Variants in P2RX2 observed in about 807,000 individuals in gnomAD.
The protein encoded by P2RX2 is P2X purinoceptor 2.
Under a neutral mutation model 54.8 loss-of-function variants are expected in P2RX2, and 50 were observed. The observed-to-expected ratio is 0.91, with a 90% CI of 0.73 to 1.15. The LOEUF is 1.15. P2RX2 is among the 50% of genes most tolerant of loss of function. The pLI is 0.00. For synonymous variants in P2RX2, 289 were observed against 259.4 expected (o/e 1.11, Z -1.09); for missense variants, 658 against 633.2 (o/e 1.04, Z -0.42).
chr12:132,620,733 G>C (rs904385572), intron 7 of P2RX2, 150 bp downstream of exon 7: 6 of 1,077,636 alleles, frequency 5.6e-6, no homozygotes, highest in African/African-American at 4.7e-5. Context: ...AACCCATCCG[G>C]TGTGGCGCTT....
chr12:132,621,707 C>T lies in P2RX2; in HGVS notation c.1151C>T (p.Pro384Leu), dbSNP rs148054613. 640 of 1,613,418 alleles carry T rather than the reference C, an allele frequency of 4.0e-4. No individual in the cohort carries two copies. The highest frequency in any genetic ancestry group is 4.9e-4 in the Non-Finnish European group (575 of 1,179,674). ...AAGAAATTTGACAAGGTGTGTACGC[C>T]GAGCCACCCCTCAGGTAGCTGGCCT... ...SHKKFDKVCTPSHPSGSWPVT... is the reference protein window; with the variant it reads ...SHKKFDKVCTLSHPSGSWPVT... Residue 384 changes from proline to leucine, a missense_variant, in exon 11 of 11, where the codon CCG becomes CTG. By Grantham distance (98) the Pro-to-Leu change is moderately conservative (BLOSUM62 -3). Coordinates refer to ENST00000643471, the MANE Select transcript of P2RX2 (RefSeq NM_170682.4).
In P2RX2 at chr12:132,619,727, C is replaced by A; in HGVS notation, c.358C>A (p.Gln120Lys). ...CACCAGGGTCGAGGCCACCCACTCCCAGACCCAGGGAACCTGCCCCGAGGT... is the reference window on the plus strand; with the variant it reads ...CACCAGGGTCGAGGCCACCCACTCCAAGACCCAGGGAACCTGCCCCGAGGT... ...IITRVEATHS[Q>K]TQGTCPESIR... Residue 120 changes from glutamine to lysine, a missense_variant, in exon 3 of 11, where the codon CAG becomes AAG. By Grantham distance (53) the Gln-to-Lys change is moderately conservative. Coordinates refer to ENST00000643471, the MANE Select transcript of P2RX2 (RefSeq NM_170682.4). 1 of 1,608,044 alleles carries A rather than the reference C, an allele frequency of 6.2e-7. No homozygotes were observed. Among genetic ancestry groups the A allele is most frequent in the Non-Finnish European group, 8.5e-7 (1 of 1,177,332 alleles).
Position 132,621,131 on chromosome 12 carries a change from G to A in P2RX2, c.905G>A (p.Arg302Lys). 6.2e-7 allele frequency: 1 copy of A among 1,614,102 alleles called. No homozygotes were observed. The highest frequency in any genetic ancestry group is 8.5e-7 in the Non-Finnish European group (1 of 1,180,024). The change falls in exon 8 of 11, where the codon AGG (arginine) becomes AAG (lysine). Residue 302 changes from arginine to lysine, a missense_variant and splice_region_variant. Coordinates refer to ENST00000643471, the MANE Select transcript of P2RX2 (RefSeq NM_170682.4). Reference protein sequence around the residue: ...HVPASSGYNFRFAKYYKINGT... With the variant: ...HVPASSGYNFKFAKYYKINGT... ...CCTGCCTCGTCAGGCTACAACTTCA[G>A]GTGCTGTACTTGGGACACCGCTGTC...
intron 1 of P2RX2, 84 bp from the exon 2 acceptor site, chr12:132,619,355 C>G: frequency 6.7e-7 from 1 of 1,502,390 alleles, no homozygotes; most frequent in South Asian, 1.2e-5. Flanking sequence ...GGACCCGGGT[C>G]GCGGGAGGGC....
At chr12:132,619,616 C>T in intron 2 of P2RX2, 42 bp downstream of exon 2, 3 of 1,590,726 alleles carry the variant, frequency 1.9e-6, no homozygotes, top group African/African-American at 1.3e-5. Flanking sequence ...GTGCACCCTA[C>T]CCTAGTGGGC....
Position 132,621,861 on chromosome 12 carries a change from C to CCTGCGGCCTTGCCCCATCT in P2RX2, c.1310_1328dup (p.Pro444AlafsTer9). The CCTGCGGCCTTGCCCCATCT allele has an allele frequency of 1.2e-6, 2 of 1,613,238 alleles. No homozygotes were observed. The highest frequency in any genetic ancestry group is 1.7e-6 in the Non-Finnish European group (2 of 1,179,796). Reference sequence around the variant, plus strand: ...CAGAGTGTGGCCCAGCCTTCCCGCCCCTGCGGCCTTGCCCCATCTCTGCCC... The same window carrying CCTGCGGCCTTGCCCCATCT: ...CAGAGTGTGGCCCAGCCTTCCCGCCCCTGCGGCCTTGCCCCATCTCTGCGGCCTTGCCCCATCTCTGCCC... On this transcript the variant is annotated frameshift_variant, in exon 11 of 11. Transcript: ENST00000643471. LOFTEE classifies it high-confidence loss of function.
At position 132,621,868 on chromosome 12, in the gene P2RX2, C is replaced by A. The variant is rs1339575034; in HGVS notation, c.1312C>A (p.Pro438Thr). 6.2e-7 allele frequency: 1 copy of A among 1,613,320 alleles called. No homozygotes were observed. The highest frequency in any genetic ancestry group is 8.5e-7 in the Non-Finnish European group (1 of 1,179,850). ...TGGCCCAGCCTTCCCGCCCCTGCGG[C>A]CTTGCCCCATCTCTGCCCCTTCTGA... ...ECGPAFPPLRPCPISAPSEQM... is the reference protein window; with the variant it reads ...ECGPAFPPLRTCPISAPSEQM... Residue 438 changes from proline to threonine, a missense_variant, in exon 11 of 11, where the codon CCT (proline) becomes ACT (threonine). By Grantham distance (38) the Pro-to-Thr change is conservative. Coordinates refer to ENST00000643471, the MANE Select transcript of P2RX2 (RefSeq NM_170682.4).
At position 132,620,147 on chromosome 12, in the gene P2RX2, C is replaced by T. The variant is rs7955816; in HGVS notation, c.554+51C>T. 0.57 allele frequency: 865,768 copies of T among 1,523,116 alleles called. 251,271 individuals are homozygous for T. Among genetic ancestry groups the T allele is most frequent in the African/African-American group, 0.8 (58,618 of 72,950 alleles). The allele number at this position is 1,523,116 out of a possible 1,614,324, so 94.4% of individuals were successfully genotyped here. A position where few individuals can be genotyped will look rare whatever the true frequency, so the allele number is the denominator to read the frequency against. The stretch of plus-strand genomic sequence containing the variant: ...CCAGCCTCCCCTCTGATCCTTTTCC[C>T]CTGACCAGAGGCCAAACGGGCGGGG... On this transcript the variant is annotated intron_variant, in intron 5 of 10. Transcript: ENST00000643471.
Position 132,621,486 on chromosome 12 carries a change from C to A in P2RX2, c.1008C>A (p.Phe336Leu). ...CCCATTCTCCCCAGGCCGGGAAGTT[C>A]AGCCTGATTCCCACCATTATTAATC... The part of the protein sequence containing the change: ...DVIVHGQAGK[F>L]SLIPTIINLA... Residue 336 changes from phenylalanine to leucine, a missense_variant, in exon 10 of 11, where the codon TTC becomes TTA. Physicochemically the swap from Phe to Leu is conservative, Grantham distance 22. Coordinates refer to ENST00000643471, the MANE Select transcript of P2RX2 (RefSeq NM_170682.4). The A allele has an allele frequency of 6.4e-7, 1 of 1,562,122 alleles. No homozygotes were observed. The highest frequency in any genetic ancestry group is 1.2e-5 in the South Asian group (1 of 82,336).
At position 132,621,809 on chromosome 12, in the gene P2RX2, C is replaced by T. The variant is rs1194935507; in HGVS notation, c.1253C>T (p.Pro418Leu). ...TCCGAGGACCAGCACCCCAGCCCTC[C>T]ATCAGGCCAGGAGGGCCAACAAGGG... ...HRSEDQHPSP[P>L]SGQEGQQGAE... is the part of the protein sequence containing the mutation. Residue 418 changes from proline to leucine, a missense_variant, in exon 11 of 11, where the codon CCA becomes CTA. Pro to Leu is a moderately conservative substitution (Grantham distance 98). Transcript: ENST00000643471. 4 of 1,606,614 alleles carry T rather than the reference C, an allele frequency of 2.5e-6. No homozygotes were observed. Among genetic ancestry groups the T allele is most frequent in the African/African-American group, 1.3e-5 (1 of 74,832 alleles).
chr12:132,620,809 C>G (rs1378402174), intron 7 of P2RX2, among the ~76,000 whole-genome samples, 192 bp from the exon 8 acceptor site: 1 of 152,196 alleles, frequency 6.6e-6, no homozygotes, highest in East Asian at 1.9e-4. Flanking sequence ...ACACTGGACG[C>G]CCACCAGTAC....
intron 10 of P2RX2, 33 bp downstream of exon 10, chr12:132,621,573 C>T (rs142799729): frequency 4.5e-5 from 72 of 1,600,616 alleles, no homozygotes; most frequent in African/African-American, 6.7e-5. Context: ...CCAGCGGGTG[C>T]GGGGGGTCCA....
At position 132,622,024 on chromosome 12, in the gene P2RX2, T is replaced by C. The variant is rs1271351904; in HGVS notation, c.*52T>C. 6.2e-7 allele frequency: 1 copy of C among 1,608,568 alleles called. No individual in the cohort carries two copies. The highest frequency in any genetic ancestry group is 1.3e-5 in the African/African-American group (1 of 74,736). ...GACCCGGCCTGGTGGGGCCAGAGAG[T>C]CCCCAGCTAGGGACCTGCACGTGGA... On this transcript the variant is annotated 3_prime_UTR_variant, in exon 11 of 11. Coordinates refer to ENST00000643471, the MANE Select transcript of P2RX2 (RefSeq NM_170682.4).
In P2RX2 at chr12:132,622,012, G is replaced by A. The variant is rs963008519; in HGVS notation, c.*40G>A. 1 of 1,611,462 alleles carries A rather than the reference G, an allele frequency of 6.2e-7. No homozygotes were observed. The highest frequency in any genetic ancestry group is 1.7e-4 in the Middle Eastern group (1 of 6,046). The stretch of plus-strand genomic sequence containing the variant: ...CACTGGACTGCAGACCCGGCCTGGT[G>A]GGGCCAGAGAGTCCCCAGCTAGGGA... On this transcript the variant is annotated 3_prime_UTR_variant, in exon 11 of 11. Coordinates refer to ENST00000643471, the MANE Select transcript of P2RX2 (RefSeq NM_170682.4).
rs2041557828 is a variant in P2RX2 at position 132,619,666 on chromosome 12, T to C, written c.310-13T>C. ...CTGCCGCCTGGCCGACCGCCCCCTC[T>C]TTCTGAGCCCAGGGGGGCAGCGTGT... On this transcript the variant is annotated splice_polypyrimidine_tract_variant and intron_variant, in intron 2 of 10. Coordinates refer to ENST00000643471, the MANE Select transcript of P2RX2 (RefSeq NM_170682.4). The C allele has an allele frequency of 2.5e-6, 4 of 1,587,532 alleles. No homozygotes were observed. Among genetic ancestry groups the C allele is most frequent in the Non-Finnish European group, 3.4e-6 (4 of 1,167,034 alleles).
In P2RX2 at chr12:132,622,193, C is replaced by A. The variant is rs938936321; in HGVS notation, c.*221C>A. ...ACACCTCCTCCCCAGCTGGTCCCTACAGGGCTGCTCACTTCCCATCACCTC... is the reference window on the plus strand; with the variant it reads ...ACACCTCCTCCCCAGCTGGTCCCTAAAGGGCTGCTCACTTCCCATCACCTC... On this transcript the variant is annotated 3_prime_UTR_variant, in exon 11 of 11. Transcript: ENST00000643471. 2.1e-6 allele frequency: 3 copies of A among 1,416,822 alleles called. No individual in the cohort carries two copies. The African/African-American group carries it at 4.3e-5, about 21-fold the overall frequency. 87.8% of individuals were successfully genotyped at this position (1,416,822 alleles called of 1,614,324 possible).
rs770478857 is a variant in P2RX2, at chr12:132,620,444, G to A, written c.636-1G>A. On this transcript the variant is annotated splice_acceptor_variant, in intron 6 of 10. Coordinates refer to ENST00000643471, the MANE Select transcript of P2RX2 (RefSeq NM_170682.4). LOFTEE classifies it high-confidence loss of function. ...GGTCTCGCCTCCTGCCGCCTCCTCA[G>A]GGGCAACATCGCCGACCGCACAGAC... The A allele has an allele frequency of 6.2e-7, 1 of 1,613,906 alleles. No individual in the cohort carries two copies. The highest frequency in any genetic ancestry group is 1.3e-5 in the African/African-American group (1 of 74,920).
Position 132,622,353 on chromosome 12 carries a change from C to T in P2RX2, c.*381C>T. 1 of 452,002 alleles carries T rather than the reference C, an allele frequency of 2.2e-6. No individual in the cohort carries two copies. Among genetic ancestry groups the T allele is most frequent in the Non-Finnish European group, 3.3e-6 (1 of 303,382 alleles). The allele number at this position is 452,002 out of a possible 1,614,324, so 28.0% of individuals were successfully genotyped here. A position where few individuals can be genotyped will look rare whatever the true frequency, so the allele number is the denominator to read the frequency against. On this transcript the variant is annotated 3_prime_UTR_variant, in exon 11 of 11. Transcript: ENST00000643471. ...CTGCCCAGACTCTTCCCTTAGAAGT[C>T]ACAACATACTCAGTCCAATAAACCT...
rs576423856 is a variant in P2RX2 at position 132,622,044 on chromosome 12, C to T, written c.*72C>T. 1.9e-5 allele frequency: 30 copies of T among 1,598,750 alleles called. No homozygotes were observed. The highest frequency in any genetic ancestry group is 1.1e-4 in the African/African-American group (8 of 74,720). ...GAGAGTCCCCAGCTAGGGACCTGCA[C>T]GTGGACGTGGGCACCTCAGTAGCGG... On this transcript the variant is annotated 3_prime_UTR_variant, in exon 11 of 11. Coordinates refer to ENST00000643471, the MANE Select transcript of P2RX2 (RefSeq NM_170682.4).
Sources: allele counts gnomAD v4.1 joint callset (sites outside exome capture counted in the v4.1 genomes callset), GRCh38; gene constraint gnomAD v4.1.1; transcripts MANE v1.5; gene names NCBI Gene and HGNC (gene_info 2026-07-23, HGNC 2026-07-21).